Variants in CCNT2 observed in about 807,000 individuals in gnomAD.
CCNT2 encodes the protein cyclin-T2.
A neutral mutation model predicts 70.0 loss-of-function variants in CCNT2; 18 were observed. The ratio of observed to expected loss-of-function variants is 0.26; its 90% CI spans 0.18 to 0.38. The LOEUF (loss-of-function observed/expected upper bound fraction) is 0.38. Among genes scored for constraint, CCNT2 ranks in the 10% least tolerant of loss-of-function variants. CCNT2 has a pLI of 1.00. For synonymous variants in CCNT2, 334 were observed against 313.3 expected, an observed-to-expected ratio of 1.07 and a Z score of -0.70; for missense variants, 734 against 890.2, an observed-to-expected ratio of 0.82 and a Z score of 2.23.
At chr2:134,948,027 A>G in intron 7 of CCNT2, 128 bp downstream of exon 7, 1 of 494,208 alleles carries the variant, frequency 2.0e-6, no homozygotes, top group Non-Finnish European at 3.4e-6. Context: ...AGCCTAAAGA[A>G]AAAAAAATAG....
Position 134,918,968 on chromosome 2 carries a change from G to A in CCNT2, c.114G>A (p.Gln38=). 1 of 1,613,648 alleles carries A rather than the reference G, an allele frequency of 6.2e-7. No individual in the cohort carries two copies. Among genetic ancestry groups the A allele is most frequent in the Non-Finnish European group, 8.5e-7 (1 of 1,179,914 alleles). Reference sequence around the variant, plus strand: ...CGGATAAAGAGCTCTCGTGCCGCCAGCAGGCGGCCAACCTCATCCAGGAGA... The same window carrying A: ...CGGATAAAGAGCTCTCGTGCCGCCAACAGGCGGCCAACCTCATCCAGGAGA... ...VEADKELSCR[Q]QAANLIQEMG... The change falls in exon 1 of 9, where the codon CAG becomes CAA. Residue 38 remains glutamine (Q), a synonymous_variant. Coordinates refer to ENST00000264157, the MANE Select transcript of CCNT2 (RefSeq NM_058241.3).
chr2:134,925,170 G>C (rs920223082), intron 2 of CCNT2, among the ~76,000 whole-genome samples: 1 of 151,886 alleles, frequency 6.6e-6, no homozygotes, highest in African/African-American at 2.4e-5. Flanking sequence ...TCAATGCCTG[G>C]GTCCTTTCAT....
chr2:134,923,568 T>C (rs1680069965), intron 2 of CCNT2, among the ~76,000 whole-genome samples: 1 of 152,272 alleles, frequency 6.6e-6, no homozygotes, highest in African/African-American at 2.4e-5. Flanking sequence ...TGTGTATCTG[T>C]GCTCTTCAAT....
intron 2 of CCNT2, among the ~76,000 whole-genome samples, chr2:134,933,343 G>A (rs2105040265): frequency 1.3e-5 from 2 of 152,272 alleles, no homozygotes; most frequent in South Asian, 2.1e-4. Context: ...GCCATCTTGG[G>A]TGACTTAGAA....
rs186733947 is a variant in CCNT2, at chr2:134,927,448, G to A, written c.240+7557G>A. On this transcript the variant is annotated intron_variant, in intron 2 of 8. Coordinates refer to ENST00000264157, the MANE Select transcript of CCNT2 (RefSeq NM_058241.3). ...CTTTTTGTTGAGTCATCGCATGGCA[G>A]GAGTGCAAGAGAGTGAACCCAGTCC... 2.0e-5 allele frequency among the ~76,000 whole-genome samples: 3 copies of A among 152,194 alleles called. No homozygotes were observed. In the East Asian group the frequency reaches 5.8e-4, roughly 29 times the overall value.
chr2:134,943,123 CAGT>C (rs762191595), intron 5 of CCNT2: 410 of 983,644 alleles, frequency 4.2e-4, no homozygotes, highest in Middle Eastern at 1.0e-3. Flanking sequence ...AAAGATTTGT[CAGT>C]ACGGTGGCTC....
intron 4 of CCNT2, 25 bp from the exon 5 acceptor site, chr2:134,942,587 G>GA (rs750416111): frequency 2.3e-5 from 36 of 1,586,022 alleles, no homozygotes; most frequent in South Asian, 5.6e-5. Context: ...TAAGAGATTG[G>GA]AAAAAAAAGT....
intron 7 of CCNT2, among the ~76,000 whole-genome samples, chr2:134,952,232 C>G (rs2105087778): frequency 6.6e-6 from 1 of 152,216 alleles, no homozygotes; most frequent in South Asian, 2.1e-4. Flanking sequence ...TAATACATTT[C>G]ATGGGGAAGA....
chr2:134,949,018 T>A (rs1682227208), intron 7 of CCNT2, among the ~76,000 whole-genome samples: 1 of 151,408 alleles, frequency 6.6e-6, no homozygotes, highest in African/African-American at 2.4e-5. Context: ...CCTGGCCTTG[T>A]TTTGTGTTGT....
intron 5 of CCNT2, chr2:134,944,394 C>T: frequency 1.0e-6 from 1 of 964,832 alleles, no homozygotes. Context: ...TGAATATTAA[C>T]TTAGGAAATT....
chr2:134,918,957 T>G lies in CCNT2; in HGVS notation c.103T>G (p.Ser35Ala). Residue 35 changes from serine to alanine, a missense_variant, in exon 1 of 9, where the codon TCG (serine) becomes GCG (alanine). By Grantham distance (99) the Ser-to-Ala change is moderately conservative. This residue lies in a region of CCNT2 where 161 missense variants were observed against 303.8 expected (regional missense o/e 0.53). Coordinates refer to ENST00000264157, the MANE Select transcript of CCNT2 (RefSeq NM_058241.3). The stretch of plus-strand genomic sequence containing the variant: ...CGGAGTGGAGGCGGATAAAGAGCTC[T>G]CGTGCCGCCAGCAGGCGGCCAACCT... ...RCGVEADKELSCRQQAANLIQ... is the reference protein window; with the variant it reads ...RCGVEADKELACRQQAANLIQ... 1.2e-6 allele frequency: 2 copies of G among 1,613,878 alleles called. No homozygotes were observed. Among genetic ancestry groups the G allele is most frequent in the Non-Finnish European group, 1.7e-6 (2 of 1,179,930 alleles).
At chr2:134,935,431 T>C (rs1681076850) in intron 2 of CCNT2, among the ~76,000 whole-genome samples, 1 of 152,226 alleles carries the variant, frequency 6.6e-6, no homozygotes. Flanking sequence ...AAGTTTCATA[T>C]TACATTTTAA....
chr2:134,932,305 T>C (rs1426370478), intron 2 of CCNT2, among the ~76,000 whole-genome samples: 1 of 152,176 alleles, frequency 6.6e-6, no homozygotes, highest in Non-Finnish European at 1.5e-5. Flanking sequence ...TCGGCTGATA[T>C]TTTTTCTTTT....
intron 4 of CCNT2, among the ~76,000 whole-genome samples, chr2:134,940,426 A>G (rs1681492602): frequency 1.3e-5 from 2 of 152,246 alleles, no homozygotes. Flanking sequence ...TTACTGCCAT[A>G]AAATATACAT....
intron 7 of CCNT2, among the ~76,000 whole-genome samples, chr2:134,948,745 C>T (rs1047156929): frequency 1.4e-5 from 2 of 146,152 alleles, no homozygotes; most frequent in African/African-American, 5.0e-5. Flanking sequence ...GAGTCAGTCT[C>T]ACTCTGTCGC....
At chr2:134,944,187 A>G in intron 5 of CCNT2, 8 of 983,070 alleles carry the variant, frequency 8.1e-6, no homozygotes, top group Non-Finnish European at 9.7e-6. Context: ...TGAATATTAC[A>G]GTATAGCATA....
chr2:134,951,856 T>C (rs1178975157), intron 7 of CCNT2, among the ~76,000 whole-genome samples: 1 of 152,206 alleles, frequency 6.6e-6, no homozygotes, highest in Non-Finnish European at 1.5e-5. Flanking sequence ...TCCATATTTT[T>C]CCCTATTCTA....
rs1465732210 is a variant in CCNT2, at chr2:134,957,985, G to A, written c.*3337G>A. 1 of 152,270 alleles carries A rather than the reference G, an allele frequency of 6.6e-6. No homozygotes were observed. The highest frequency in any genetic ancestry group is 2.4e-5 in the African/African-American group (1 of 41,570). The allele number at this position is 152,270 out of a possible 1,614,324, so 9.4% of individuals were successfully genotyped here. ...CTATTTCAGAGAACCAATATGAAAT[G>A]TTTTTGTTAGTACAAAATACCATTG... On this transcript the variant is annotated 3_prime_UTR_variant, in exon 9 of 9. Coordinates refer to ENST00000264157, the MANE Select transcript of CCNT2 (RefSeq NM_058241.3).
intron 2 of CCNT2, among the ~76,000 whole-genome samples, chr2:134,922,481 C>T (rs887511710): frequency 2.0e-5 from 3 of 152,134 alleles, no homozygotes; most frequent in African/African-American, 7.2e-5. Context: ...GGTCTCTTAT[C>T]ATTGAGTTCT....
Sources: allele counts gnomAD v4.1 joint callset (sites outside exome capture counted in the v4.1 genomes callset), GRCh38; gene constraint gnomAD v4.1.1; regional missense constraint gnomAD v4.1.1; transcripts MANE v1.5; gene names NCBI Gene and HGNC (gene_info 2026-07-23, HGNC 2026-07-21).